The following ZNF678 variants were observed in gnomAD, a reference collection of about 807,000 sequenced individuals.
ZNF678 encodes hypothetical protein MGC42493.
Under a neutral mutation model 3.0 loss-of-function variants are expected in ZNF678, and 5 were observed. The ratio of observed to expected loss-of-function variants is 1.69; its 90% CI spans 0.88 to 3.56. The LOEUF (loss-of-function observed/expected upper bound fraction) is 3.56, where lower values mean the gene tolerates loss of function less well. ZNF678 is among the 30% of genes most tolerant of loss of function. The probability of loss-of-function intolerance (pLI) is 0.00; values close to 1 mark genes in which losing one functional copy is unlikely to be tolerated. For synonymous variants in ZNF678, 218 were observed against 199.6 expected, an observed-to-expected ratio of 1.09 and a Z score of -0.78; for missense variants, 593 against 605.0, an observed-to-expected ratio of 0.98 and a Z score of 0.21.
chr1:227,588,764 C>T (rs919119377), intron 1 of ZNF678, among the ~76,000 whole-genome samples: 1 of 152,132 alleles, frequency 6.6e-6, no homozygotes, highest in African/African-American at 2.4e-5. Context: ...CTCGGCCTCC[C>T]AAAGTGCTGG....
intron 1 of ZNF678, among the ~76,000 whole-genome samples, chr1:227,610,260 C>G (rs896641166): frequency 6.6e-6 from 1 of 152,144 alleles, no homozygotes; most frequent in African/African-American, 2.4e-5. Context: ...CTAAGTTAGT[C>G]AATAACGTTA....
rs540764051 is a variant in ZNF678, at chr1:227,659,216, C to G, written c.*3388C>G. Reference sequence around the variant, plus strand: ...AATAATCTTTTCTTCCCCATTGATACTGGAATCTTGGGAAGTTTCTTACTC... The same window carrying G: ...AATAATCTTTTCTTCCCCATTGATAGTGGAATCTTGGGAAGTTTCTTACTC... On this transcript the variant is annotated 3_prime_UTR_variant, in exon 4 of 4. Transcript: ENST00000343776. 1 of 152,046 alleles carries G rather than the reference C, an allele frequency of 6.6e-6. No homozygotes were observed. Among genetic ancestry groups the G allele is most frequent in the African/African-American group, 2.4e-5 (1 of 41,404 alleles). 9.4% of individuals were successfully genotyped at this position (152,046 alleles called of 1,614,324 possible).
intron 1 of ZNF678, among the ~76,000 whole-genome samples, chr1:227,606,100 A>G (rs539224041): frequency 2.0e-5 from 3 of 152,342 alleles, no homozygotes; most frequent in Non-Finnish European, 1.5e-5. Flanking sequence ...TAAGACACAG[A>G]GACAAAGTAT....
intron 1 of ZNF678, among the ~76,000 whole-genome samples, chr1:227,596,508 A>G (rs1219549128): frequency 2.0e-5 from 3 of 152,322 alleles, no homozygotes; most frequent in Admixed American, 1.3e-4. Flanking sequence ...CAGTTGGGTC[A>G]GGTGTCTATC....
rs200288442 is a variant in ZNF678 at position 227,620,001 on chromosome 1, G to GT, written c.-163-26542dup. Among the ~76,000 whole-genome samples, 517 of 152,216 alleles carry GT rather than the reference G, an allele frequency of 3.4e-3. 11 individuals are homozygous for GT. The highest frequency in any genetic ancestry group is 0.029 in the South Asian group (141 of 4,816). On this transcript the variant is annotated intron_variant, in intron 1 of 3. Coordinates refer to ENST00000343776, the MANE Select transcript of ZNF678 (RefSeq NM_001367909.1). ...TTCAGAAAAAATAAATAAATCACAG[G>GT]TCAGAACCTTTACCTTACTCCAGGT...
At position 227,670,970 on chromosome 1, in the gene ZNF678, T is replaced by A. The variant is rs192650346; in HGVS notation, c.227-6209T>A. 3.0e-3 allele frequency among the ~76,000 whole-genome samples: 457 copies of A among 150,104 alleles called. 10 individuals are homozygous for A. Among genetic ancestry groups the A allele is most frequent in the Admixed American group, 0.027 (415 of 15,156 alleles). Reference sequence around the variant, plus strand: ...GTTCCTTCATGTGAGGCCTTTTATTTTTTTTTTTTTTATGTCCAGCATTTT... The same window carrying A: ...GTTCCTTCATGTGAGGCCTTTTATTATTTTTTTTTTTATGTCCAGCATTTT... On this transcript the variant is annotated intron_variant, in intron 5 of 5. Transcript: ENST00000608949.
intron 1 of ZNF678, among the ~76,000 whole-genome samples, chr1:227,568,504 C>T (rs1485042933): frequency 6.6e-6 from 1 of 152,194 alleles, no homozygotes; most frequent in African/African-American, 2.4e-5. Context: ...TTTCTTCAAT[C>T]ACATGCATTT....
chr1:227,588,575 A>G (rs760126091), intron 1 of ZNF678, among the ~76,000 whole-genome samples: 23 of 146,274 alleles, frequency 1.6e-4, no homozygotes, highest in African/African-American at 3.6e-4. Flanking sequence ...TGTCAACTCA[A>G]TGCAACCTCC....
At chr1:227,580,497 C>T (rs1217875636) in intron 1 of ZNF678, among the ~76,000 whole-genome samples, 1 of 152,080 alleles carries the variant, frequency 6.6e-6, no homozygotes. Context: ...TTTTTGTTTT[C>T]ATTACTTTTG....
intron 1 of ZNF678, among the ~76,000 whole-genome samples, chr1:227,644,438 T>G (rs750667085): frequency 1.3e-5 from 2 of 152,202 alleles, no homozygotes; most frequent in Non-Finnish European, 2.9e-5. Flanking sequence ...CTCTTTAAAC[T>G]TTAAAGGGCT....
chr1:227,619,649 C>T (rs1301473629), intron 1 of ZNF678, among the ~76,000 whole-genome samples: 1 of 152,042 alleles, frequency 6.6e-6, no homozygotes, highest in Non-Finnish European at 1.5e-5. Flanking sequence ...GTAGCTGTGA[C>T]TACAGGTGCC....
intron 1 of ZNF678, among the ~76,000 whole-genome samples, chr1:227,590,249 C>G (rs1039771648): frequency 3.9e-5 from 6 of 151,946 alleles, no homozygotes; most frequent in African/African-American, 1.5e-4. Flanking sequence ...ATGTCTTTAA[C>G]TGTATCTTCG....
intron 1 of ZNF678, chr1:227,598,875 T>C (rs1448199766): frequency 9.2e-6 from 6 of 654,520 alleles, no homozygotes; most frequent in Admixed American, 2.1e-5. Context: ...TTTATTCTTT[T>C]CTTTTTTTGT....
intron 1 of ZNF678, among the ~76,000 whole-genome samples, chr1:227,614,135 TC>T: frequency 6.6e-6 from 1 of 152,294 alleles, no homozygotes; most frequent in African/African-American, 2.4e-5. Flanking sequence ...CAGACTAAAC[TC>T]CTTATGGTCT....
intron 1 of ZNF678, among the ~76,000 whole-genome samples, chr1:227,566,446 G>A (rs1222479461): frequency 1.3e-5 from 2 of 152,076 alleles, no homozygotes; most frequent in Non-Finnish European, 2.9e-5. Flanking sequence ...GAGCTGGTGC[G>A]AGAACATGCA....
intron 1 of ZNF678, among the ~76,000 whole-genome samples, chr1:227,597,350 G>A (rs967257188): frequency 7.9e-5 from 12 of 152,216 alleles, no homozygotes; most frequent in South Asian, 2.1e-4. Context: ...CAGCGTGGGC[G>A]TCATAGCCAT....
chr1:227,595,322 T>C (rs1188313434), intron 1 of ZNF678, among the ~76,000 whole-genome samples: 1 of 151,994 alleles, frequency 6.6e-6, no homozygotes, highest in Admixed American at 6.6e-5. Flanking sequence ...TCTCAACCAC[T>C]GTGGAGAGAT....
chr1:227,571,228 ACTG>A (rs1212189407), intron 1 of ZNF678, among the ~76,000 whole-genome samples: 1 of 152,238 alleles, frequency 6.6e-6, no homozygotes, highest in Non-Finnish European at 1.5e-5. Flanking sequence ...GTAAAATTGT[ACTG>A]CCATACACCA....
chr1:227,664,750 G>A (rs926685809), downstream of ZNF678, among the ~76,000 whole-genome samples: 8 of 152,040 alleles, frequency 5.3e-5, no homozygotes, highest in East Asian at 1.6e-3. Context: ...TTATCTTGGG[G>A]TCTGTCACCG....
Sources: gnomAD v4.1 joint callset for allele counts (sites outside exome capture counted in the v4.1 genomes callset) on GRCh38, gnomAD v4.1.1 for gene constraint, MANE v1.5 for transcripts, NCBI Gene and HGNC (gene_info 2026-07-23, HGNC 2026-07-21) for gene names.